Variants in ADSS2 observed in about 807,000 individuals in gnomAD.
The protein encoded by ADSS2 is adenylosuccinate synthetase isozyme 2.
Under a neutral mutation model 60.0 loss-of-function variants are expected in ADSS2, and 30 were observed. That is an observed-to-expected ratio of 0.50 (90% confidence interval 0.37 to 0.68). ADSS2 has a LOEUF of 0.68. Ranked by LOEUF, ADSS2 falls within the 30% of genes least tolerant of loss-of-function variation. The pLI is 0.00. For missense variants in ADSS2, 373 were observed against 554.8 expected, an observed-to-expected ratio of 0.67 and a Z score of 3.29; for synonymous variants, 187 against 193.1, an observed-to-expected ratio of 0.97 and a Z score of 0.26.
Position 244,409,008 on chromosome 1 carries a change from C to G in ADSS2, c.*578G>C, listed in dbSNP as rs984436332. ...AATTAAAGGTCCCATGAATACATAACCCCCTCCCAGCCCCACCAAAGCTCA... is the reference window on the plus strand; with the variant it reads ...AATTAAAGGTCCCATGAATACATAAGCCCCTCCCAGCCCCACCAAAGCTCA... On this transcript the variant is annotated 3_prime_UTR_variant, in exon 13 of 13. Coordinates refer to ENST00000366535, the MANE Select transcript of ADSS2 (RefSeq NM_001126.5). 6.6e-6 allele frequency: 1 copy of G among 152,498 alleles called. No homozygotes were observed. The allele number at this position is 152,498 out of a possible 1,614,324, so 9.4% of individuals were successfully genotyped here. A position where few individuals can be genotyped will look rare whatever the true frequency, so the allele number is the denominator to read the frequency against.
At chr1:244,435,580 TCATCCTCCTC>T (rs1665078178) in intron 3 of ADSS2, among the ~76,000 whole-genome samples, 1 of 151,842 alleles carries the variant, frequency 6.6e-6, no homozygotes, top group African/African-American at 2.4e-5. Flanking sequence ...TCTTCCTCCT[TCATCCTCCTC>T]CACCTCTGTC....
intron 1 of ADSS2, among the ~76,000 whole-genome samples, chr1:244,438,149 A>C (rs77004786): frequency 0.011 from 1,667 of 152,298 alleles, 36 homozygotes; most frequent in African/African-American, 0.038. Flanking sequence ...AAAATCTCTT[A>C]AGATAGAGTA....
At chr1:244,433,972 TCCC>T (rs1029060665) in intron 3 of ADSS2, among the ~76,000 whole-genome samples, 1 of 151,638 alleles carries the variant, frequency 6.6e-6, no homozygotes, top group Non-Finnish European at 1.5e-5. Context: ...GGTATATCTG[TCCC>T]CCCATTTAAC....
chr1:244,448,885 C>T (rs527696600), intron 1 of ADSS2, among the ~76,000 whole-genome samples: 67 of 152,248 alleles, frequency 4.4e-4, no homozygotes, highest in African/African-American at 1.6e-3. Flanking sequence ...CAATCCCTGC[C>T]TTTTTCAGAT....
intron 1 of ADSS2, among the ~76,000 whole-genome samples, chr1:244,438,975 T>G (rs1258348852): frequency 6.6e-6 from 1 of 152,198 alleles, no homozygotes; most frequent in African/African-American, 2.4e-5. Context: ...TGTCAAATAC[T>G]AGATGTATTT....
At chr1:244,438,890 CATT>C (rs1397190442) in intron 1 of ADSS2, among the ~76,000 whole-genome samples, 1 of 152,120 alleles carries the variant, frequency 6.6e-6, no homozygotes, top group African/African-American at 2.4e-5. Flanking sequence ...TTTATCCTTT[CATT>C]GTGTTACAAT....
At chr1:244,442,887 CA>C (rs1665281586) in intron 1 of ADSS2, among the ~76,000 whole-genome samples, 1 of 152,114 alleles carries the variant, frequency 6.6e-6, no homozygotes, top group Non-Finnish European at 1.5e-5. Flanking sequence ...TATACTGGTT[CA>C]AGGAGAGGTC....
chr1:244,426,076 T>C (rs1047909052), intron 4 of ADSS2, among the ~76,000 whole-genome samples: 13 of 152,184 alleles, frequency 8.5e-5, no homozygotes, highest in African/African-American at 3.1e-4. Flanking sequence ...AGGGTTAGTT[T>C]ATCATCATGT....
chr1:244,436,715 A>G, intron 3 of ADSS2, 110 bp downstream of exon 3: 1 of 911,016 alleles, frequency 1.1e-6, no homozygotes, highest in Non-Finnish European at 1.7e-6. Flanking sequence ...TTCGTCTATA[A>G]TAGCCCGAAA....
rs149188347 is a variant in ADSS2, at chr1:244,422,074, A to G, written c.663+761T>C. 2.2e-4 allele frequency among the ~76,000 whole-genome samples: 33 copies of G among 152,312 alleles called. No individual in the cohort carries two copies. The East Asian group carries it at 5.8e-3, about 27-fold the overall frequency. ...CAGTGCACTGAAATACAAATACCTA[A>G]CATTTAGAATGTTCTTTGTAGGTCA... On this transcript the variant is annotated intron_variant, in intron 7 of 12. Transcript: ENST00000366535.
chr1:244,421,002 C>T (rs1248905627), intron 7 of ADSS2, among the ~76,000 whole-genome samples: 1 of 152,032 alleles, frequency 6.6e-6, no homozygotes, highest in East Asian at 1.9e-4. Flanking sequence ...AATTTTGAAA[C>T]TTGCATCAGT....
chr1:244,451,501 G>A lies in ADSS2; in HGVS notation c.183+134C>T. The A allele has an allele frequency of 2.0e-6, 2 of 995,998 alleles. No homozygotes were observed. Among genetic ancestry groups the A allele is most frequent in the East Asian group, 2.7e-5 (1 of 37,662 alleles). 61.7% of individuals were successfully genotyped at this position (995,998 alleles called of 1,614,324 possible). On this transcript the variant is annotated intron_variant, in intron 1 of 12. Transcript: ENST00000366535. The surrounding 1 kb of genome is among the most constrained non-coding windows in gnomAD (Gnocchi z 6.6). ...CTCCACGTAGCCGCAGCTCAGGACA[G>A]GAGGAGAGAGCCTCAAGGTGACACC...
intron 10 of ADSS2, among the ~76,000 whole-genome samples, chr1:244,416,868 T>C (rs1318006291): frequency 6.6e-6 from 1 of 152,144 alleles, no homozygotes; most frequent in Non-Finnish European, 1.5e-5. Context: ...TCATGATACA[T>C]CAAAATTTCC....
chr1:244,428,818 T>C (rs150681678), intron 4 of ADSS2, among the ~76,000 whole-genome samples: 1 of 152,088 alleles, frequency 6.6e-6, no homozygotes, highest in East Asian at 1.9e-4. Flanking sequence ...AACATAAATA[T>C]CTAAAACTGA....
intron 12 of ADSS2, 82 bp downstream of exon 12, chr1:244,411,205 C>G: frequency 1.5e-6 from 2 of 1,376,794 alleles, no homozygotes; most frequent in Non-Finnish European, 1.9e-6. Flanking sequence ...TGGGACAGAG[C>G]GAGACTCCGT....
intron 1 of ADSS2, among the ~76,000 whole-genome samples, chr1:244,442,242 TACACACACACAC>T (rs71739056): frequency 2.7e-5 from 4 of 149,056 alleles, no homozygotes; most frequent in Non-Finnish European, 3.0e-5. Context: ...ATGGTTGCTC[TACACACACACAC>T]ACACACACAC....
chr1:244,416,952 C>G (rs1664547485), intron 10 of ADSS2, among the ~76,000 whole-genome samples: 1 of 152,184 alleles, frequency 6.6e-6, no homozygotes, highest in Non-Finnish European at 1.5e-5. Context: ...ATTTGGGATT[C>G]TCGTCCAAAA....
Position 244,437,754 on chromosome 1 carries a change from A to G in ADSS2, c.198T>C (p.Ala66=), listed in dbSNP as rs768658191. 14 of 1,604,174 alleles carry G rather than the reference A, an allele frequency of 8.7e-6. No homozygotes were observed. The South Asian group carries it at 1.5e-4, about 18-fold the overall frequency. Residue 66 remains alanine (A), a synonymous_variant, in exon 2 of 13, where the codon GCT becomes GCC. Coordinates refer to ENST00000366535, the MANE Select transcript of ADSS2 (RefSeq NM_001126.5). ...IVCRCQGGNN[A]GHTVVVDSVE... is the part of the protein sequence containing the mutation. ...CAGAATCCACAACAACTGTATGGCC[A>G]GCATTATTTCCTCCCTAAAATGTAA...
intron 3 of ADSS2, 22 bp downstream of exon 3, chr1:244,436,803 A>C: frequency 6.3e-7 from 1 of 1,583,832 alleles, no homozygotes; most frequent in Non-Finnish European, 8.7e-7. Flanking sequence ...ACTGGTTACC[A>C]AGTAGACTCA....
Sources: gnomAD v4.1 joint callset for allele counts (sites outside exome capture counted in the v4.1 genomes callset) on GRCh38, gnomAD v4.1.1 for gene constraint, Gnocchi (gnomAD v3.1) non-coding constraint, MANE v1.5 for transcripts, NCBI Gene and HGNC (gene_info 2026-07-23, HGNC 2026-07-21) for gene names.